Variants in DNAJC17 observed in about 807,000 individuals in gnomAD.
DNAJC17 encodes DnaJ heat shock protein family (Hsp40) member C17.
DNAJC17 carries 35 observed loss-of-function variants against 48.1 expected under a neutral mutation model. The observed-to-expected ratio is 0.73, with a 90% CI of 0.56 to 0.96. The LOEUF is 0.96. Ranked by LOEUF, DNAJC17 falls within the 50% of genes least tolerant of loss-of-function variation. The pLI is 0.00. For missense variants in DNAJC17, 355 were observed against 377.1 expected, an observed-to-expected ratio of 0.94 and a Z score of 0.48; for synonymous variants, 117 against 142.7, an observed-to-expected ratio of 0.82 and a Z score of 1.28.
chr15:40,778,547 G>A (rs1462358702), intron 4 of DNAJC17, among the ~76,000 whole-genome samples: 2 of 149,284 alleles, frequency 1.3e-5, no homozygotes, highest in Admixed American at 6.6e-5. Context: ...CACCGCGCCC[G>A]GCCACAAGCA....
intron 1 of DNAJC17, among the ~76,000 whole-genome samples, chr15:40,796,270 A>G (rs946578389): frequency 6.6e-6 from 1 of 152,220 alleles, no homozygotes; most frequent in African/African-American, 2.4e-5. Flanking sequence ...TGGATTTTTT[A>G]CATTCTAATG....
Position 40,776,180 on chromosome 15 carries a change from G to A in DNAJC17, c.478+16C>T. ...GCTACCTTGGAGGGGAGATAGGCGGGGTGATAGACCTGCACCTCTCAACCT... is the reference window on the plus strand; with the variant it reads ...GCTACCTTGGAGGGGAGATAGGCGGAGTGATAGACCTGCACCTCTCAACCT... On this transcript the variant is annotated intron_variant, in intron 6 of 10. Transcript: ENST00000220496. The A allele has an allele frequency of 6.2e-7, 1 of 1,611,364 alleles. No individual in the cohort carries two copies. Among genetic ancestry groups the A allele is most frequent in the East Asian group, 2.2e-5 (1 of 44,860 alleles).
intron 1 of DNAJC17, among the ~76,000 whole-genome samples, chr15:40,802,473 T>G (rs933721070): frequency 6.6e-6 from 1 of 152,034 alleles, no homozygotes; most frequent in African/African-American, 2.4e-5. Flanking sequence ...CTGGCCAATT[T>G]TTGGATGTAG....
Position 40,807,203 on chromosome 15 carries a change from C to G in DNAJC17, c.78+166G>C, listed in dbSNP as rs544113475. 16 of 1,504,348 alleles carry G rather than the reference C, an allele frequency of 1.1e-5. No homozygotes were observed. In the African/African-American group the frequency reaches 1.8e-4, roughly 17 times the overall value. The allele number at this position is 1,504,348 out of a possible 1,614,324, so 93.2% of individuals were successfully genotyped here. The stretch of plus-strand genomic sequence containing the variant: ...CTTCCTCTTGAGGCCCTCGGACCGT[C>G]CAGGAAATGTCTGGGAGCCCGCCTG... On this transcript the variant is annotated intron_variant, in intron 1 of 10. Transcript: ENST00000220496.
chr15:40,789,899 G>A (rs1465697884), intron 1 of DNAJC17, among the ~76,000 whole-genome samples: 106 of 34,612 alleles, frequency 3.1e-3, no homozygotes, highest in Admixed American at 3.0e-3. Context: ...GAGACAGACT[G>A]TCTCAAAAAA....
chr15:40,798,701 G>A (rs1889999061), intron 1 of DNAJC17, among the ~76,000 whole-genome samples: 1 of 152,104 alleles, frequency 6.6e-6, no homozygotes, highest in Non-Finnish European at 1.5e-5. Flanking sequence ...TGTGACCAGA[G>A]GTGACAAAAT....
intron 4 of DNAJC17, among the ~76,000 whole-genome samples, chr15:40,777,972 G>C (rs1360425631): frequency 6.6e-6 from 1 of 152,112 alleles, no homozygotes; most frequent in Admixed American, 6.6e-5. Context: ...GGACCTCTTT[G>C]AATCCTTCTG....
intron 1 of DNAJC17, among the ~76,000 whole-genome samples, chr15:40,782,168 G>C (rs960716758): frequency 2.0e-5 from 3 of 152,072 alleles, no homozygotes; most frequent in African/African-American, 7.2e-5. Context: ...AAGCTGTAGT[G>C]AGCATGTTCA....
At chr15:40,797,750 C>G (rs1201433767) in intron 1 of DNAJC17, among the ~76,000 whole-genome samples, 2 of 99,614 alleles carry the variant, frequency 2.0e-5, no homozygotes, top group African/African-American at 4.0e-5. Context: ...GAGATGGAGT[C>G]TTGCTCTATC....
chr15:40,804,112 G>A (rs745579484), intron 1 of DNAJC17, among the ~76,000 whole-genome samples: 12 of 150,612 alleles, frequency 8.0e-5, no homozygotes, highest in Non-Finnish European at 1.8e-4. Flanking sequence ...GACTACAGGT[G>A]CGTAACACCC....
rs989351196 is a variant in DNAJC17, at chr15:40,766,775, C to T, written c.*1165G>A. 7.2e-5 allele frequency: 11 copies of T among 153,104 alleles called. No individual in the cohort carries two copies. Among genetic ancestry groups the T allele is most frequent in the African/African-American group, 2.7e-4 (11 of 41,482 alleles). The allele number at this position is 153,104 out of a possible 1,614,324, so 9.5% of individuals were successfully genotyped here. On this transcript the variant is annotated 3_prime_UTR_variant, in exon 11 of 11. Transcript: ENST00000220496. ...CAGGACAGCCAGGGCAGTGAGGGGC[C>T]TGGAGGCTTATTTTTTTTTGAAATG... is the stretch of plus-strand genomic sequence containing the variant.
rs766100217 is a variant in DNAJC17 at position 40,776,275 on chromosome 15, T to C, written c.399A>G (p.Glu133=). The stretch of plus-strand genomic sequence containing the variant: ...GTTCCTCCAGCTGCCGGGAACCCTC[T>C]TCTCTCAGGCGTTCGATCTGCAGAG... ...TLEQEIERLR[E]EGSRQLEEQQ... Residue 133 remains glutamate, a synonymous_variant, in exon 6 of 11, where the codon GAA becomes GAG. Transcript: ENST00000220496. The C allele has an allele frequency of 6.2e-7, 1 of 1,614,148 alleles. No individual in the cohort carries two copies. The highest frequency in any genetic ancestry group is 8.5e-7 in the Non-Finnish European group (1 of 1,180,028).
At chr15:40,789,603 A>C (rs537960426) in intron 1 of DNAJC17, among the ~76,000 whole-genome samples, 26 of 151,386 alleles carry the variant, frequency 1.7e-4, no homozygotes, top group Middle Eastern at 6.8e-3. Flanking sequence ...GCCTGCTGTC[A>C]CTCTTAACTC....
At chr15:40,784,184 C>A (rs1426496306) in intron 1 of DNAJC17, among the ~76,000 whole-genome samples, 1 of 151,998 alleles carries the variant, frequency 6.6e-6, no homozygotes, top group African/African-American at 2.4e-5. Flanking sequence ...CCACTGCACT[C>A]CAGCCTGGGC....
rs1888966290 is a variant in DNAJC17, at chr15:40,767,132, C to G, written c.*808G>C. ...AGCAGCCAGCAAGTGTGAGTCACTA[C>G]AAGAGTGGCCAGGCTGCCTGCTGCA... On this transcript the variant is annotated 3_prime_UTR_variant, in exon 11 of 11. Transcript: ENST00000220496. 1 of 1,339,040 alleles carries G rather than the reference C, an allele frequency of 7.5e-7. No homozygotes were observed. 82.9% of individuals were successfully genotyped at this position (1,339,040 alleles called of 1,614,324 possible).
intron 1 of DNAJC17, among the ~76,000 whole-genome samples, chr15:40,796,967 G>A (rs761006713): frequency 4.0e-5 from 6 of 151,876 alleles, no homozygotes; most frequent in Admixed American, 2.0e-4. Flanking sequence ...GGGTTTTGCC[G>A]TGTTGCTCAG....
intron 1 of DNAJC17, among the ~76,000 whole-genome samples, chr15:40,797,345 G>C (rs1269033985): frequency 6.6e-6 from 1 of 152,078 alleles, no homozygotes; most frequent in African/African-American, 2.4e-5. Flanking sequence ...ACTCCAGCCT[G>C]GGCAATAGAG....
At chr15:40,788,911 G>A (rs1889720670) in intron 1 of DNAJC17, among the ~76,000 whole-genome samples, 1 of 152,154 alleles carries the variant, frequency 6.6e-6, no homozygotes, top group African/African-American at 2.4e-5. Context: ...GTGCCTGAAA[G>A]ATTGATCCTT....
chr15:40,768,974 C>T (rs1209575716), intron 10 of DNAJC17, among the ~76,000 whole-genome samples: 1 of 152,206 alleles, frequency 6.6e-6, no homozygotes, highest in Admixed American at 6.5e-5. Context: ...CGCATGGGGA[C>T]GCTGTCACAG....
Sources: allele counts gnomAD v4.1 joint callset (sites outside exome capture counted in the v4.1 genomes callset), GRCh38; gene constraint gnomAD v4.1.1; transcripts MANE v1.5; gene names NCBI Gene and HGNC (gene_info 2026-07-23, HGNC 2026-07-21).